Variants in FARP1 observed in about 807,000 individuals in gnomAD.
FARP1 encodes the protein FERM, ARH/RhoGEF and pleckstrin domain protein 1.
A neutral mutation model predicts 128.8 loss-of-function variants in FARP1; 52 were observed. The ratio of observed to expected loss-of-function variants is 0.40; its 90% CI spans 0.32 to 0.51. FARP1 has a LOEUF of 0.51. Ranked by LOEUF, FARP1 falls within the 20% of genes least tolerant of loss-of-function variation. The pLI is 0.45. For synonymous variants in FARP1, 580 were observed against 551.8 expected (o/e 1.05, Z -0.72); for missense variants, 1,333 against 1,367.9 (o/e 0.97, Z 0.40).
At chr13:98,434,447 C>T (rs1892172704) in intron 18 of FARP1, 1 of 152,220 alleles carries the variant, frequency 6.6e-6, no homozygotes, top group Non-Finnish European at 1.5e-5. Flanking sequence ...AAACTAAATG[C>T]TTCCCTTCCA....
intron 1 of FARP1, among the ~76,000 whole-genome samples, chr13:98,181,526 T>TA (rs1045499225): frequency 2.0e-5 from 3 of 151,420 alleles, no homozygotes; most frequent in Non-Finnish European, 2.9e-5. Context: ...ATTCTCATTA[T>TA]AAAAAAAATA....
intron 19 of FARP1, among the ~76,000 whole-genome samples, chr13:98,436,753 C>T (rs1309907025): frequency 3.9e-5 from 6 of 152,230 alleles, no homozygotes; most frequent in South Asian, 2.1e-4. Flanking sequence ...CTGCTGGTGA[C>T]AAGATCCTGC....
intron 1 of FARP1, among the ~76,000 whole-genome samples, chr13:98,212,662 G>A (rs982917963): frequency 7.2e-5 from 11 of 152,182 alleles, no homozygotes; most frequent in African/African-American, 2.7e-4. Flanking sequence ...GGTGGTTATT[G>A]TAATAGAAAT....
chr13:98,420,327 G>T (rs909075321), intron 16 of FARP1, among the ~76,000 whole-genome samples: 2 of 152,158 alleles, frequency 1.3e-5, no homozygotes, highest in East Asian at 1.9e-4. Flanking sequence ...TCTTAGGGGG[G>T]TGATGGGCAG....
At chr13:98,282,466 A>G (rs187780335) in intron 2 of FARP1, among the ~76,000 whole-genome samples, 76 of 152,322 alleles carry the variant, frequency 5.0e-4, no homozygotes, top group Middle Eastern at 6.8e-3. Flanking sequence ...AAAAGTTGAC[A>G]GGCTTAGAAT....
chr13:98,311,699 TAAAGTA>T (rs1594387063), intron 2 of FARP1, among the ~76,000 whole-genome samples: 1 of 152,128 alleles, frequency 6.6e-6, no homozygotes, highest in African/African-American at 2.4e-5. Context: ...AAACTTTAAA[TAAAGTA>T]AGAGCCTTTG....
rs9584831 is a variant in FARP1, at chr13:98,391,327, G to A, written c.1088+447G>A. ...AGGGTCTTGCTCTGTTGCCCAGGCT[G>A]GAGTGCAGTGGTGTGATCACAGCCC... On this transcript the variant is annotated intron_variant, in intron 11 of 26. Coordinates refer to ENST00000319562, the MANE Select transcript of FARP1 (RefSeq NM_005766.4). Among the ~76,000 whole-genome samples, 933 of 152,288 alleles carry A rather than the reference G, an allele frequency of 6.1e-3. 15 individuals carry two copies. Among genetic ancestry groups the A allele is most frequent in the African/African-American group, 0.021 (880 of 41,568 alleles).
rs747286595 is a variant in FARP1 at position 98,213,302 on chromosome 13, G to A, written c.60G>A (p.Ser20=). ...PGSRLGAPEN[S]GISTLERGQK... ...CACGACTGGGGGCCCCGGAAAATTC[G>A]GGGATCAGTACCTTGGAACGTGGAC... Residue 20 remains serine, a synonymous_variant, in exon 2 of 27, where the codon TCG becomes TCA. Coordinates refer to ENST00000319562, the MANE Select transcript of FARP1 (RefSeq NM_005766.4). 1.2e-5 allele frequency: 19 copies of A among 1,614,032 alleles called. No homozygotes were observed. The highest frequency in any genetic ancestry group is 4.5e-5 in the East Asian group (2 of 44,880).
At chr13:98,174,743 G>T (rs285097) in intron 1 of FARP1, among the ~76,000 whole-genome samples, 118,352 of 152,088 alleles carry the variant, frequency 0.78, 50,422 homozygotes, top group Non-Finnish European at 0.94. Context: ...TCGATATGTT[G>T]ATAGCACATA....
chr13:98,416,542 C>T (rs553146833), intron 16 of FARP1, among the ~76,000 whole-genome samples: 5 of 152,352 alleles, frequency 3.3e-5, no homozygotes, highest in Non-Finnish European at 5.9e-5. Context: ...GCTGGCAAAG[C>T]CACATTACCT....
chr13:98,408,467 CAGGCACCCGCCACCA>C (rs138923001), intron 13 of FARP1, among the ~76,000 whole-genome samples: 12,824 of 151,650 alleles, frequency 0.085, 575 homozygotes, highest in East Asian at 0.11. Context: ...GCTGGGATTG[CAGGCACCCGCCACCA>C]TGCCCAGCTA....
chr13:98,331,440 C>G (rs1266218270), intron 2 of FARP1, among the ~76,000 whole-genome samples: 2 of 152,100 alleles, frequency 1.3e-5, no homozygotes, highest in Admixed American at 6.5e-5. Flanking sequence ...TAGTCAGTGT[C>G]TCATTCCCCA....
intron 2 of FARP1, among the ~76,000 whole-genome samples, chr13:98,223,372 C>T (rs1881547345): frequency 6.6e-6 from 1 of 152,262 alleles, no homozygotes; most frequent in Non-Finnish European, 1.5e-5. Context: ...TGTCACCAGG[C>T]TGGAGTGCAG....
chr13:98,380,906 TA>T (rs1267645994), intron 6 of FARP1, among the ~76,000 whole-genome samples: 1 of 152,058 alleles, frequency 6.6e-6, no homozygotes, highest in East Asian at 1.9e-4. Context: ...TTTTGTCAAT[TA>T]AAAAAGTAAA....
intron 13 of FARP1, chr13:98,398,273 G>A: frequency 6.6e-6 from 1 of 152,082 alleles, no homozygotes; most frequent in East Asian, 1.9e-4. Flanking sequence ...GCTGATTGTT[G>A]GATCGTTTGA....
chr13:98,332,791 T>G (rs1279412012), intron 2 of FARP1: 1 of 152,240 alleles, frequency 6.6e-6, no homozygotes, highest in African/African-American at 2.4e-5. Context: ...GGGGAAAAGC[T>G]GTGCTTCAGA....
chr13:98,217,259 C>G (rs1298963966), intron 2 of FARP1, among the ~76,000 whole-genome samples: 2 of 151,500 alleles, frequency 1.3e-5, no homozygotes, highest in Non-Finnish European at 2.9e-5. Flanking sequence ...TTTTTTGCTT[C>G]TTTTGAGCAG....
intron 16 of FARP1, among the ~76,000 whole-genome samples, 156 bp from the exon 17 acceptor site, chr13:98,424,416 T>C (rs1231020189): frequency 6.6e-6 from 1 of 152,206 alleles, no homozygotes; most frequent in Non-Finnish European, 1.5e-5. Context: ...TTTCCAAGTC[T>C]CCTTCCAACG....
chr13:98,355,432 A>G (rs1184997474), intron 3 of FARP1, among the ~76,000 whole-genome samples: 4 of 152,196 alleles, frequency 2.6e-5, no homozygotes, highest in Non-Finnish European at 4.4e-5. Context: ...AGATATGGAA[A>G]TGTATGTACT....
Sources: gnomAD v4.1 joint callset for allele counts (sites outside exome capture counted in the v4.1 genomes callset) on GRCh38, gnomAD v4.1.1 for gene constraint, MANE v1.5 for transcripts, NCBI Gene and HGNC (gene_info 2026-07-23, HGNC 2026-07-21) for gene names.